Variants in SMYD3 observed in about 807,000 individuals in gnomAD.
The protein encoded by SMYD3 is histone-lysine N-methyltransferase SMYD3.
SMYD3 carries 36 observed loss-of-function variants against 57.7 expected under a neutral mutation model. That is an observed-to-expected ratio of 0.62 (90% CI 0.48 to 0.82). SMYD3 has a LOEUF of 0.82. Among genes scored for constraint, SMYD3 ranks in the 40% least tolerant of loss-of-function variants. The pLI is 0.00. For synonymous variants in SMYD3, 211 were observed against 195.0 expected (o/e 1.08, Z -0.68); for missense variants, 515 against 538.8 (o/e 0.96, Z 0.44).
chr1:246,033,297 A>G (rs1389571655), intron 5 of SMYD3, among the ~76,000 whole-genome samples: 1 of 152,208 alleles, frequency 6.6e-6, no homozygotes, highest in South Asian at 2.1e-4. Flanking sequence ...AAAACCCAGA[A>G]GGTTACACAC....
intron 1 of SMYD3, among the ~76,000 whole-genome samples, chr1:246,437,867 G>A (rs1172448905): frequency 6.6e-6 from 1 of 152,132 alleles, no homozygotes; most frequent in Admixed American, 6.5e-5. Flanking sequence ...AAATTATACT[G>A]AGAATTCAAC....
chr1:245,870,750 G>A (rs541768924), intron 8 of SMYD3, among the ~76,000 whole-genome samples: 4 of 152,306 alleles, frequency 2.6e-5, no homozygotes, highest in East Asian at 1.9e-4. Flanking sequence ...ACAAAGCTAC[G>A]TTTCTTCCAT....
chr1:246,082,309 A>G (rs1212512338), intron 5 of SMYD3, among the ~76,000 whole-genome samples: 1 of 152,162 alleles, frequency 6.6e-6, no homozygotes, highest in Non-Finnish European at 1.5e-5. Flanking sequence ...GACTTCCTCA[A>G]TTGCTCCTAC....
chr1:246,279,412 T>C (rs892540288), intron 5 of SMYD3, among the ~76,000 whole-genome samples: 1 of 151,906 alleles, frequency 6.6e-6, no homozygotes, highest in African/African-American at 2.4e-5. Context: ...TCCCAGCTAC[T>C]TGGGAGGCTG....
chr1:245,851,004 A>G (rs1233449651), intron 10 of SMYD3, among the ~76,000 whole-genome samples: 2 of 152,138 alleles, frequency 1.3e-5, no homozygotes, highest in Admixed American at 1.3e-4. Context: ...AATCAGAGGC[A>G]CTAGATTCTC....
In SMYD3 at chr1:246,344,098, G is replaced by T. The variant is rs75497279; in HGVS notation, c.229-8624C>A. Among the ~76,000 whole-genome samples, 1,044 of 152,068 alleles carry T rather than the reference G, an allele frequency of 6.9e-3. 33 individuals carry two copies. In the East Asian group the frequency reaches 0.11, roughly 16 times the overall value. On this transcript the variant is annotated intron_variant, in intron 2 of 11. Transcript: ENST00000490107. ...GGGTCTTGCTATATTGTCCAGGCTG[G>T]TCTCTAACTCATGAGTTCAAACAAT...
intron 5 of SMYD3, among the ~76,000 whole-genome samples, chr1:246,251,224 A>G (rs1572280736): frequency 6.6e-6 from 1 of 152,348 alleles, no homozygotes; most frequent in East Asian, 1.9e-4. Context: ...AGGACAGTAT[A>G]AAAAGGCTTC....
intron 5 of SMYD3, among the ~76,000 whole-genome samples, chr1:245,956,447 T>G (rs2057843080): frequency 6.6e-6 from 1 of 152,178 alleles, no homozygotes; most frequent in South Asian, 2.1e-4. Context: ...CTGACACAAG[T>G]GAGGGAGCAA....
intron 10 of SMYD3, among the ~76,000 whole-genome samples, chr1:245,806,859 G>A (rs919565484): frequency 1.9e-4 from 25 of 134,790 alleles, no homozygotes; most frequent in Non-Finnish European, 3.3e-4. Context: ...GCAGTGAGCC[G>A]AGATCGCGCC....
intron 8 of SMYD3, among the ~76,000 whole-genome samples, chr1:245,869,685 T>C (rs9728553): frequency 0.7 from 106,404 of 151,924 alleles, 38,516 homozygotes; most frequent in Middle Eastern, 0.81. Context: ...CCCAGTTCAC[T>C]CACCCCATTC....
chr1:245,883,974 C>T (rs2052935732), intron 8 of SMYD3, among the ~76,000 whole-genome samples: 1 of 151,994 alleles, frequency 6.6e-6, no homozygotes, highest in Non-Finnish European at 1.5e-5. Flanking sequence ...GGTAGGATGT[C>T]TAATATTTCT....
chr1:246,426,940 T>G lies in SMYD3; in HGVS notation c.165-71846A>C, dbSNP rs533757617. Among the ~76,000 whole-genome samples the G allele has an allele frequency of 3.3e-5, 5 of 152,088 alleles. No individual in the cohort carries two copies. In the South Asian group the frequency reaches 8.3e-4, roughly 25 times the overall value. ...TATATATAAAATATTTTATAAACAA[T>G]AAAACTCTATGTAAATTTGAGAGCC... On this transcript the variant is annotated intron_variant, in intron 1 of 11. Transcript: ENST00000490107.
intron 8 of SMYD3, among the ~76,000 whole-genome samples, chr1:245,894,413 C>T (rs549785223): frequency 1.7e-4 from 26 of 152,170 alleles, no homozygotes; most frequent in South Asian, 6.2e-4. Flanking sequence ...AGCGGAAACC[C>T]GCTCAGGTCC....
intron 10 of SMYD3, among the ~76,000 whole-genome samples, chr1:245,845,253 A>T (rs372377408): frequency 2.0e-5 from 3 of 152,334 alleles, no homozygotes; most frequent in African/African-American, 4.8e-5. Flanking sequence ...TCAATCTGTG[A>T]AAGACTATGG....
chr1:246,304,992 G>C (rs998412473), intron 5 of SMYD3, among the ~76,000 whole-genome samples: 4 of 152,038 alleles, frequency 2.6e-5, no homozygotes, highest in African/African-American at 7.2e-5. Flanking sequence ...ATACCTGCTT[G>C]GTCTTACACC....
In SMYD3 at chr1:246,142,925, G is replaced by A. The variant is rs568684774; in HGVS notation, c.531+184276C>T. On this transcript the variant is annotated intron_variant, in intron 5 of 11. Transcript: ENST00000490107. ...TCCAACCTTTGGCAGCTTCTTCATG[G>A]AGATAAACACGAGGGTAGAAAGTTC... is the stretch of plus-strand genomic sequence containing the variant. Among the ~76,000 whole-genome samples, 66 of 152,210 alleles carry A rather than the reference G, an allele frequency of 4.3e-4. 3 individuals are homozygous for A. In the South Asian group the frequency reaches 0.013, roughly 30 times the overall value.
At chr1:245,975,993 GGCCTAGGGAAAGCCATCGTCTCTA>G (rs1182154621) in intron 5 of SMYD3, among the ~76,000 whole-genome samples, 2 of 5,748 alleles carry the variant, frequency 3.5e-4, no homozygotes, top group Non-Finnish European at 5.3e-4. Flanking sequence ...CATCGTCTCC[GGCCTAGGGAAAGCCATCGTCTCTA>G]GCCTAGGGAA....
At chr1:246,505,222 C>G (rs2068517755) in intron 1 of SMYD3, among the ~76,000 whole-genome samples, 2 of 152,178 alleles carry the variant, frequency 1.3e-5, no homozygotes, top group Non-Finnish European at 2.9e-5. Context: ...CACTGGATAA[C>G]TATCGGTGGG....
intron 8 of SMYD3, among the ~76,000 whole-genome samples, chr1:245,870,504 C>T (rs1558442105): frequency 6.6e-6 from 1 of 152,166 alleles, no homozygotes; most frequent in Non-Finnish European, 1.5e-5. Flanking sequence ...GTCCCTCGCT[C>T]CATCTATCCC....
Sources: gnomAD v4.1 joint callset for allele counts (sites outside exome capture counted in the v4.1 genomes callset) on GRCh38, gnomAD v4.1.1 for gene constraint, MANE v1.5 for transcripts, NCBI Gene and HGNC (gene_info 2026-07-23, HGNC 2026-07-21) for gene names.